LDLRAD3: variants seen among roughly 807,000 people sequenced by gnomAD.
LDLRAD3 encodes low density lipoprotein receptor class A domain containing 3.
Under a neutral mutation model 29.4 loss-of-function variants are expected in LDLRAD3, and 20 were observed. The ratio of observed to expected loss-of-function variants is 0.68; its 90% CI spans 0.48 to 0.99. The LOEUF is 0.99. Ranked by LOEUF, LDLRAD3 falls within the 50% of genes least tolerant of loss-of-function variation. The probability of loss-of-function intolerance (pLI) is 0.00; values close to 1 mark genes in which losing one functional copy is unlikely to be tolerated. For synonymous variants in LDLRAD3, 157 were observed against 192.7 expected (o/e 0.81, Z 1.53); for missense variants, 420 against 454.3 (o/e 0.92, Z 0.69).
chr11:35,982,371 A>G (rs1453130806), intron 1 of LDLRAD3, among the ~76,000 whole-genome samples: 1 of 149,856 alleles, frequency 6.7e-6, no homozygotes, highest in Admixed American at 6.6e-5. Context: ...TCTGTGTACA[A>G]ATATCCCCTC....
chr11:36,061,156 T>G (rs1275611052), intron 2 of LDLRAD3, among the ~76,000 whole-genome samples: 1 of 152,174 alleles, frequency 6.6e-6, no homozygotes, highest in East Asian at 1.9e-4. Context: ...TTTTTTCCCC[T>G]GAGACAGAGT....
At chr11:35,950,132 T>G (rs1851112497) in intron 1 of LDLRAD3, among the ~76,000 whole-genome samples, 1 of 152,120 alleles carries the variant, frequency 6.6e-6, no homozygotes, top group African/African-American at 2.4e-5. Flanking sequence ...GAAATGGGAT[T>G]GTTGACCTTC....
At chr11:36,028,683 T>C (rs1565171879) in intron 1 of LDLRAD3, among the ~76,000 whole-genome samples, 1 of 152,240 alleles carries the variant, frequency 6.6e-6, no homozygotes, top group Non-Finnish European at 1.5e-5. Flanking sequence ...TTTTTCTTAG[T>C]AGACCTATAT....
At chr11:35,992,850 G>A (rs1257875792) in intron 1 of LDLRAD3, among the ~76,000 whole-genome samples, 1 of 152,164 alleles carries the variant, frequency 6.6e-6, no homozygotes, top group Non-Finnish European at 1.5e-5. Context: ...ATTGTATAGT[G>A]TGTGAGTTTT....
At chr11:36,151,633 C>T (rs1854279479) in intron 4 of LDLRAD3, among the ~76,000 whole-genome samples, 1 of 152,132 alleles carries the variant, frequency 6.6e-6, no homozygotes, top group South Asian at 2.1e-4. Context: ...CGGGATCCCA[C>T]TTTGAATTGT....
intron 1 of LDLRAD3, among the ~76,000 whole-genome samples, chr11:36,025,682 C>T (rs998815002): frequency 1.3e-5 from 2 of 151,760 alleles, no homozygotes; most frequent in South Asian, 4.2e-4. Context: ...AGCCACCGCG[C>T]CCGGCCCAGA....
At chr11:36,106,381 C>T (rs1853529371) in intron 4 of LDLRAD3, among the ~76,000 whole-genome samples, 1 of 152,144 alleles carries the variant, frequency 6.6e-6, no homozygotes, top group African/African-American at 2.4e-5. Flanking sequence ...TGCACTTTCC[C>T]CTTGGAGTTC....
At chr11:36,126,928 T>G (rs375268185) in intron 4 of LDLRAD3, among the ~76,000 whole-genome samples, 2 of 152,318 alleles carry the variant, frequency 1.3e-5, no homozygotes, top group East Asian at 3.9e-4. Context: ...AACTCGACTG[T>G]GTAAACAAAA....
intron 4 of LDLRAD3, among the ~76,000 whole-genome samples, chr11:36,105,238 T>TGTGTGTGTGTGTGTGTGAGA (rs1343780985): frequency 1.4e-3 from 178 of 128,402 alleles, no homozygotes; most frequent in African/African-American, 4.4e-3. Context: ...TGTGTGTGTG[T>TGTGTGTGTGTGTGTGTGAGA]GAGAGAGAGA....
intron 4 of LDLRAD3, among the ~76,000 whole-genome samples, chr11:36,189,496 A>G (rs1473348320): frequency 6.6e-6 from 1 of 151,794 alleles, no homozygotes; most frequent in Admixed American, 6.6e-5. Context: ...AAAATGAAGA[A>G]GAAAAAAAAA....
At chr11:35,960,388 T>C (rs572245573) in intron 1 of LDLRAD3, among the ~76,000 whole-genome samples, 1 of 152,214 alleles carries the variant, frequency 6.6e-6, no homozygotes, top group African/African-American at 2.4e-5. Flanking sequence ...ATAATATCCT[T>C]GAAGTAGAAT....
intron 4 of LDLRAD3, among the ~76,000 whole-genome samples, chr11:36,146,526 AACAG>A (rs1287689787): frequency 6.6e-6 from 1 of 152,192 alleles, no homozygotes; most frequent in Admixed American, 6.5e-5. Context: ...GGCTTAAAAA[AACAG>A]ACAGTTATTC....
At chr11:35,959,511 T>C (rs1851249104) in intron 1 of LDLRAD3, among the ~76,000 whole-genome samples, 1 of 152,250 alleles carries the variant, frequency 6.6e-6, no homozygotes. Flanking sequence ...CTTTAAATTA[T>C]TGAATCTTCC....
chr11:36,144,874 G>T (rs1284668825), intron 4 of LDLRAD3, among the ~76,000 whole-genome samples: 1 of 89,278 alleles, frequency 1.1e-5, no homozygotes, highest in Non-Finnish European at 2.5e-5. Flanking sequence ...CCCCCCGCCC[G>T]GCCAGCCGCC....
At chr11:36,203,067 G>A (rs904315635) in intron 4 of LDLRAD3, among the ~76,000 whole-genome samples, 2 of 152,060 alleles carry the variant, frequency 1.3e-5, no homozygotes, top group Non-Finnish European at 2.9e-5. Flanking sequence ...CTCCTGAGTA[G>A]CTAGGTTTAC....
intron 4 of LDLRAD3, among the ~76,000 whole-genome samples, chr11:36,171,532 A>G (rs972102348): frequency 2.0e-5 from 3 of 152,048 alleles, no homozygotes; most frequent in African/African-American, 7.2e-5. Context: ...ATTTATCCCA[A>G]CACCATTTGT....
intron 3 of LDLRAD3, among the ~76,000 whole-genome samples, chr11:36,088,256 T>A (rs1463786188): frequency 1.3e-5 from 2 of 152,154 alleles, no homozygotes; most frequent in East Asian, 3.9e-4. Flanking sequence ...TTTCTTCCGC[T>A]GTCCTCATAC....
At chr11:36,017,016 C>T (rs539191520) in intron 1 of LDLRAD3, among the ~76,000 whole-genome samples, 13 of 152,204 alleles carry the variant, frequency 8.5e-5, no homozygotes, top group South Asian at 4.1e-4. Flanking sequence ...CTTTGGTAAG[C>T]GATGATACCA....
In LDLRAD3 at chr11:36,143,327, A is replaced by G. The variant is rs141653451; in HGVS notation, c.454+44866A>G. On this transcript the variant is annotated intron_variant, in intron 4 of 5. Coordinates refer to ENST00000315571, the MANE Select transcript of LDLRAD3 (RefSeq NM_174902.4). ...GGAAACCCAAGGCCTGGCGTCCTCT[A>G]CCTCTTTCCCGTGGTGGCCTTGAAT... Among the ~76,000 whole-genome samples the G allele has an allele frequency of 5.8e-4, 88 of 152,264 alleles. 1 individual carries two copies. Among genetic ancestry groups the G allele is most frequent in the Admixed American group, 2.6e-3 (39 of 15,292 alleles).
Sources: gnomAD v4.1 joint callset for allele counts (sites outside exome capture counted in the v4.1 genomes callset) on GRCh38, gnomAD v4.1.1 for gene constraint, MANE v1.5 for transcripts, NCBI Gene and HGNC (gene_info 2026-07-23, HGNC 2026-07-21) for gene names.